FAT3: variants seen among roughly 807,000 people sequenced by gnomAD.
FAT3 encodes the protein FAT atypical cadherin 3.
In FAT3, 95 loss-of-function variants were observed where a neutral mutation model predicts 310.2. The ratio of observed to expected loss-of-function variants is 0.31; its 90% CI spans 0.26 to 0.36. The LOEUF is 0.36. FAT3 is among the 10% of genes least tolerant of loss of function. FAT3 has a pLI of 1.00. For missense variants in FAT3, 5,408 were observed against 5,715.6 expected, an observed-to-expected ratio of 0.95 and a Z score of 1.74; for synonymous variants, 2,314 against 2,192.9, an observed-to-expected ratio of 1.06 and a Z score of -1.54.
rs542051231 is a variant in FAT3 at position 92,353,323 on chromosome 11, C to A, written c.1211C>A (p.Pro404Gln). 1 of 1,613,488 alleles carries A rather than the reference C, an allele frequency of 6.2e-7. No individual in the cohort carries two copies. The change falls in exon 2 of 28, where the codon CCG becomes CAG. Residue 404 changes from proline to glutamine, a missense_variant. Physicochemically the swap from Pro to Gln is moderately conservative, Grantham distance 76. Coordinates refer to ENST00000525166, the MANE Select transcript of FAT3 (RefSeq NM_001367949.2). ...GCTATAGTAAAATTAAGTCCTGAAC[C>A]GATAGATGTGGAATACAAATTATCT... is the stretch of plus-strand genomic sequence containing the variant. ...VVAIVKLSPEPIDVEYKLSPG... is the reference protein window; with the variant it reads ...VVAIVKLSPEQIDVEYKLSPG...
At chr11:92,226,754 C>A (rs898264547) in intron 1 of FAT3, among the ~76,000 whole-genome samples, 1 of 152,112 alleles carries the variant, frequency 6.6e-6, no homozygotes, top group Non-Finnish European at 1.5e-5. Context: ...CCTAGCGCCT[C>A]GGCCGGGAGC....
intron 3 of FAT3, among the ~76,000 whole-genome samples, chr11:92,636,307 C>T (rs183434728): frequency 1.3e-5 from 2 of 152,038 alleles, no homozygotes; most frequent in African/African-American, 4.8e-5. Context: ...TGACTTTGGC[C>T]GTGATATGTG....
At chr11:92,719,876 C>G (rs755809965) in intron 4 of FAT3, among the ~76,000 whole-genome samples, 2 of 152,038 alleles carry the variant, frequency 1.3e-5, no homozygotes, top group Non-Finnish European at 2.9e-5. Context: ...TAAGACTGTT[C>G]CGTTGCCCTT....
chr11:92,501,536 C>T (rs1295641635), intron 2 of FAT3, among the ~76,000 whole-genome samples: 3 of 151,944 alleles, frequency 2.0e-5, no homozygotes, highest in Non-Finnish European at 2.9e-5. Flanking sequence ...GTGTGAAAGC[C>T]GTCTAGTAAC....
chr11:92,333,118 A>T (rs1402383379), intron 1 of FAT3, among the ~76,000 whole-genome samples: 1 of 152,182 alleles, frequency 6.6e-6, no homozygotes, highest in East Asian at 1.9e-4. Context: ...TAAAAACTGG[A>T]CAGCAAGCTG....
At chr11:92,622,048 C>T (rs1941112505) in intron 3 of FAT3, among the ~76,000 whole-genome samples, 1 of 152,122 alleles carries the variant, frequency 6.6e-6, no homozygotes, top group African/African-American at 2.4e-5. Flanking sequence ...CCATTAGCCC[C>T]TAGGTAATTT....
At chr11:92,715,440 T>C (rs1354992013) in intron 4 of FAT3, among the ~76,000 whole-genome samples, 1 of 151,500 alleles carries the variant, frequency 6.6e-6, no homozygotes, top group Non-Finnish European at 1.5e-5. Context: ...AAATAAAAAA[T>C]TAATTAATTA....
chr11:92,636,203 T>G (rs949853205), intron 3 of FAT3, among the ~76,000 whole-genome samples: 1 of 152,172 alleles, frequency 6.6e-6, no homozygotes, highest in Admixed American at 6.5e-5. Flanking sequence ...CCTCAAGTGA[T>G]GCACCCACTC....
chr11:92,832,796 C>T (rs1027239612), intron 14 of FAT3, among the ~76,000 whole-genome samples: 1 of 152,160 alleles, frequency 6.6e-6, no homozygotes, highest in Non-Finnish European at 1.5e-5. Flanking sequence ...TGGACTACCA[C>T]TCCTTCATCA....
intron 2 of FAT3, among the ~76,000 whole-genome samples, chr11:92,428,598 G>C (rs959573450): frequency 3.3e-5 from 5 of 152,050 alleles, no homozygotes; most frequent in African/African-American, 1.2e-4. Flanking sequence ...GTTCTCATTG[G>C]TTTCAAAGAG....
intron 2 of FAT3, among the ~76,000 whole-genome samples, chr11:92,507,769 A>G (rs1209907556): frequency 6.6e-6 from 1 of 151,988 alleles, no homozygotes; most frequent in African/African-American, 2.4e-5. Context: ...ATATACACAC[A>G]TATACACACA....
At chr11:92,643,389 C>G (rs1354909896) in intron 3 of FAT3, among the ~76,000 whole-genome samples, 1 of 152,200 alleles carries the variant, frequency 6.6e-6, no homozygotes, top group Non-Finnish European at 1.5e-5. Flanking sequence ...AAACCCTCAT[C>G]AGCCAGTGCA....
At position 92,797,980 on chromosome 11, in the gene FAT3, T is replaced by C. The variant is rs141994759; in HGVS notation, c.4967T>C (p.Ile1656Thr). 1 of 1,613,928 alleles carries C rather than the reference T, an allele frequency of 6.2e-7. No homozygotes were observed. Among genetic ancestry groups the C allele is most frequent in the Non-Finnish European group, 8.5e-7 (1 of 1,179,858 alleles). The change falls in exon 10 of 28, where the codon ATT becomes ACT. Residue 1656 changes from isoleucine (I) to threonine (T), a missense_variant. Ile to Thr is a moderately conservative substitution (Grantham distance 89, BLOSUM62 -1). Around this residue, in one of 5 missense-constraint regions of FAT3, gnomAD observed 4,588 missense variants for 4,809.8 expected, o/e 0.95. Coordinates refer to ENST00000525166, the MANE Select transcript of FAT3 (RefSeq NM_001367949.2). Reference sequence around the variant, plus strand: ...TCCCCGCCAATGTCTGCTACTGCAATTGTGCGCATTTCCGTCACCATGTCT... The same window carrying C: ...TCCCCGCCAATGTCTGCTACTGCAACTGTGCGCATTTCCGTCACCATGTCT... ...QGSPPMSATA[I>T]VRISVTMSDN...
intron 12 of FAT3, among the ~76,000 whole-genome samples, chr11:92,809,474 C>G (rs1947606076): frequency 6.6e-6 from 1 of 152,190 alleles, no homozygotes; most frequent in Non-Finnish European, 1.5e-5. Flanking sequence ...AGTCCATTCT[C>G]TGTGTGTTTT....
intron 1 of FAT3, among the ~76,000 whole-genome samples, chr11:92,339,953 A>C (rs1260908148): frequency 3.3e-5 from 5 of 151,914 alleles, no homozygotes; most frequent in Admixed American, 3.3e-4. Flanking sequence ...TCTACTAAAA[A>C]TACAAAAAAT....
chr11:92,275,573 C>G (rs1946248593), intron 1 of FAT3, among the ~76,000 whole-genome samples: 1 of 152,002 alleles, frequency 6.6e-6, no homozygotes, highest in Non-Finnish European at 1.5e-5. Flanking sequence ...TTATCCAACA[C>G]CTATCTGCCC....
intron 2 of FAT3, among the ~76,000 whole-genome samples, chr11:92,444,615 G>A (rs780180038): frequency 1.4e-5 from 2 of 141,180 alleles, no homozygotes; most frequent in Admixed American, 1.4e-4. Context: ...TATCCACCAA[G>A]CTCCCAAGAA....
At chr11:92,472,410 G>A (rs1591335455) in intron 2 of FAT3, among the ~76,000 whole-genome samples, 3 of 152,108 alleles carry the variant, frequency 2.0e-5, no homozygotes, top group South Asian at 2.1e-4. Context: ...CTGGTGGACT[G>A]ATCAACACTC....
At position 92,894,294 on chromosome 11, in the gene FAT3, C is replaced by T. The variant is rs1013119161; in HGVS notation, c.*3181C>T. Reference sequence around the variant, plus strand: ...GGGATGAAATGATAATTACAGAGTTCAGCTCAGACCAGTCATCAGTTGTAG... The same window carrying T: ...GGGATGAAATGATAATTACAGAGTTTAGCTCAGACCAGTCATCAGTTGTAG... On this transcript the variant is annotated 3_prime_UTR_variant, in exon 28 of 28. Coordinates refer to ENST00000525166, the MANE Select transcript of FAT3 (RefSeq NM_001367949.2). 2.6e-5 allele frequency: 4 copies of T among 152,184 alleles called. No homozygotes were observed. The highest frequency in any genetic ancestry group is 6.5e-5 in the Admixed American group (1 of 15,286). 9.4% of individuals were successfully genotyped at this position (152,184 alleles called of 1,614,324 possible). A position where few individuals can be genotyped will look rare whatever the true frequency, so the allele number is the denominator to read the frequency against.
Sources: allele counts gnomAD v4.1 joint callset (sites outside exome capture counted in the v4.1 genomes callset), GRCh38; gene constraint gnomAD v4.1.1; regional missense constraint gnomAD v4.1.1; transcripts MANE v1.5; gene names NCBI Gene and HGNC (gene_info 2026-07-23, HGNC 2026-07-21).